The following SAMD8 variants were observed in gnomAD, a reference collection of about 807,000 sequenced individuals.
SAMD8 encodes the protein sterile alpha motif domain containing 8.
A neutral mutation model predicts 42.0 loss-of-function variants in SAMD8; 20 were observed. The ratio of observed to expected loss-of-function variants is 0.48; its 90% CI spans 0.34 to 0.69. SAMD8 has a LOEUF of 0.69. Among genes scored for constraint, SAMD8 ranks in the 30% least tolerant of loss-of-function variants. The pLI is 0.01. For missense variants in SAMD8, 328 were observed against 511.6 expected (o/e 0.64, Z 3.46); for synonymous variants, 162 against 173.0 (o/e 0.94, Z 0.50).
intron 1 of SAMD8, among the ~76,000 whole-genome samples, chr10:75,133,973 A>AT (rs1441864111): frequency 1.3e-5 from 2 of 152,328 alleles, no homozygotes; most frequent in Admixed American, 1.3e-4. Context: ...TCTATCATTG[A>AT]TGGACATTTG....
intron 1 of SAMD8, among the ~76,000 whole-genome samples, chr10:75,126,959 G>A (rs1849156110): frequency 2.0e-5 from 3 of 151,986 alleles, no homozygotes; most frequent in South Asian, 4.1e-4. Flanking sequence ...AAGCCGAGGC[G>A]GGTAGATCAC....
At chr10:75,158,149 A>G (rs951377637) in intron 2 of SAMD8, among the ~76,000 whole-genome samples, 1 of 151,662 alleles carries the variant, frequency 6.6e-6, no homozygotes, top group Admixed American at 6.6e-5. Context: ...ACAAGAGCAA[A>G]ACTCTGTCTC....
At chr10:75,156,892 A>G (rs1017150514) in intron 2 of SAMD8, among the ~76,000 whole-genome samples, 3 of 152,178 alleles carry the variant, frequency 2.0e-5, no homozygotes, top group African/African-American at 7.2e-5. Context: ...AAATTGGAAT[A>G]TGGACTGCAT....
At chr10:75,157,729 T>G (rs969363807) in intron 2 of SAMD8, among the ~76,000 whole-genome samples, 1 of 152,156 alleles carries the variant, frequency 6.6e-6, no homozygotes, top group African/African-American at 2.4e-5. Context: ...TTTACCAGCC[T>G]CATTCAACAG....
chr10:75,107,408 T>A (rs1848582050), upstream of SAMD8, among the ~76,000 whole-genome samples: 1 of 152,058 alleles, frequency 6.6e-6, no homozygotes, highest in Non-Finnish European at 1.5e-5. Context: ...CAAATGGTGC[T>A]TTCCCAAAGT....
intron 1 of SAMD8, among the ~76,000 whole-genome samples, chr10:75,134,612 G>GT (rs1363935817): frequency 1.3e-5 from 2 of 151,268 alleles, no homozygotes; most frequent in Admixed American, 6.6e-5. Context: ...TCCAGCTTGG[G>GT]TGGCAGAGTG....
intron 4 of SAMD8, among the ~76,000 whole-genome samples, chr10:75,169,169 C>CAAAA (rs1023080854): frequency 5.6e-4 from 17 of 30,212 alleles, no homozygotes; most frequent in East Asian, 4.4e-3. Context: ...GACTCCATCT[C>CAAAA]AAAAAAAAAA....
chr10:75,157,277 G>A lies in SAMD8; in HGVS notation c.578+6171G>A, dbSNP rs529279250. Among the ~76,000 whole-genome samples, 132 of 152,170 alleles carry A rather than the reference G, an allele frequency of 8.7e-4. 1 individual carries two copies. Among genetic ancestry groups the A allele is most frequent in the African/African-American group, 3.0e-3 (126 of 41,514 alleles). Reference sequence around the variant, plus strand: ...AGAGAATAGGAACAGAGAAATTGGAGACATATGCTATATGATAGCATGTTT... The same window carrying A: ...AGAGAATAGGAACAGAGAAATTGGAAACATATGCTATATGATAGCATGTTT... On this transcript the variant is annotated intron_variant, in intron 2 of 5. Transcript: ENST00000542569.
chr10:75,129,159 A>G (rs1171207749), intron 1 of SAMD8, among the ~76,000 whole-genome samples: 5 of 146,678 alleles, frequency 3.4e-5, no homozygotes, highest in Non-Finnish European at 5.9e-5. Flanking sequence ...TTTAAAGACT[A>G]GGTCTTGTTC....
intron 1 of SAMD8, among the ~76,000 whole-genome samples, chr10:75,122,061 T>C (rs1291454350): frequency 6.6e-6 from 1 of 152,192 alleles, no homozygotes; most frequent in East Asian, 1.9e-4. Flanking sequence ...TAATACTGCT[T>C]TCATTTTCTT....
chr10:75,155,133 C>A (rs986011013), intron 2 of SAMD8, among the ~76,000 whole-genome samples: 1 of 152,020 alleles, frequency 6.6e-6, no homozygotes, highest in Non-Finnish European at 1.5e-5. Flanking sequence ...CTCAAGTGAT[C>A]CTCCCATCCC....
intron 2 of SAMD8, chr10:75,164,382 A>G (rs1366913875): frequency 6.5e-6 from 2 of 309,636 alleles, no homozygotes; most frequent in Non-Finnish European, 4.6e-6. Context: ...AAGGGTTGCC[A>G]CTTCTTTTTT....
At chr10:75,114,471 G>A (rs776902665) in intron 1 of SAMD8, among the ~76,000 whole-genome samples, 1 of 152,036 alleles carries the variant, frequency 6.6e-6, no homozygotes, top group Non-Finnish European at 1.5e-5. Flanking sequence ...TATTCACATT[G>A]CACAGTTGCT....
upstream of SAMD8, among the ~76,000 whole-genome samples, chr10:75,107,662 C>T (rs950635008): frequency 7.9e-5 from 12 of 152,140 alleles, no homozygotes; most frequent in East Asian, 1.2e-3. Context: ...CTGCAACCTC[C>T]GCCCCCCATG....
In SAMD8 at chr10:75,182,073, G is replaced by A. The variant is rs1346428914; in HGVS notation, c.*5381G>A. On this transcript the variant is annotated 3_prime_UTR_variant, in exon 6 of 6. Transcript: ENST00000542569. ...CTAATATATATTATTTTATATCTTT[G>A]TTGTATTAAAATGTTTAAAAACACT... 1 of 152,078 alleles carries A rather than the reference G, an allele frequency of 6.6e-6. No homozygotes were observed. The highest frequency in any genetic ancestry group is 1.5e-5 in the Non-Finnish European group (1 of 68,008). The allele number at this position is 152,078 out of a possible 1,614,324, so 9.4% of individuals were successfully genotyped here. A position where few individuals can be genotyped will look rare whatever the true frequency, so the allele number is the denominator to read the frequency against.
intron 1 of SAMD8, chr10:75,099,847 A>G (rs562278049): frequency 6.2e-6 from 1 of 160,188 alleles, no homozygotes; most frequent in South Asian, 2.0e-4. Flanking sequence ...TTATCTTCCC[A>G]TGCTAGGGAT....
chr10:75,117,810 T>C (rs1848922137), intron 1 of SAMD8, among the ~76,000 whole-genome samples: 1 of 152,268 alleles, frequency 6.6e-6, no homozygotes, highest in Non-Finnish European at 1.5e-5. Flanking sequence ...GATACTTAGC[T>C]TCTTTACTGG....
intron 1 of SAMD8, among the ~76,000 whole-genome samples, chr10:75,127,188 A>AG (rs1849165917): frequency 3.1e-5 from 1 of 31,932 alleles, no homozygotes; most frequent in African/African-American, 3.4e-4. Context: ...ACTCTGTCTC[A>AG]AAAAAAAAAA....
chr10:75,150,377 C>T, intron 1 of SAMD8, 137 bp from the exon 2 acceptor site: 1 of 1,404,070 alleles, frequency 7.1e-7, no homozygotes, highest in Non-Finnish European at 9.4e-7. Context: ...CCAACTCAGC[C>T]TCCCAAAGTG....
Sources: allele counts gnomAD v4.1 joint callset (sites outside exome capture counted in the v4.1 genomes callset), GRCh38; gene constraint gnomAD v4.1.1; transcripts MANE v1.5; gene names NCBI Gene and HGNC (gene_info 2026-07-23, HGNC 2026-07-21).